The following ALG5 variants were observed in gnomAD, a reference collection of about 807,000 sequenced individuals.
The protein encoded by ALG5 is dolichyl-phosphate beta-glucosyltransferase.
Under a neutral mutation model 51.8 loss-of-function variants are expected in ALG5, and 26 were observed. The observed-to-expected ratio is 0.50, with a 90% CI of 0.37 to 0.70. The LOEUF (loss-of-function observed/expected upper bound fraction) is 0.70. Ranked by LOEUF, ALG5 falls within the 30% of genes least tolerant of loss-of-function variation. The pLI, the probability that ALG5 is intolerant of heterozygous loss-of-function variation, is 0.00. For missense variants in ALG5, 311 were observed against 399.3 expected, an observed-to-expected ratio of 0.78 and a Z score of 1.88; for synonymous variants, 141 against 136.1, an observed-to-expected ratio of 1.04 and a Z score of -0.25.
chr13:36,998,449 C>A (rs536204208), intron 1 of ALG5, among the ~76,000 whole-genome samples: 1 of 152,326 alleles, frequency 6.6e-6, no homozygotes, highest in Admixed American at 6.5e-5. Flanking sequence ...GTCAAGGAAG[C>A]TGAAATCCTC....
intron 8 of ALG5, among the ~76,000 whole-genome samples, chr13:36,964,306 T>C (rs1383386926): frequency 6.6e-6 from 1 of 152,096 alleles, no homozygotes; most frequent in African/African-American, 2.4e-5. Flanking sequence ...AAGAGGTGCA[T>C]ATGATTGATC....
In ALG5 at chr13:36,965,572, T is replaced by G; in HGVS notation, c.773+3A>C. ...ACTGGATACATTCCAGTCAGAAACC[T>G]ACCATCGTTCAACGTGTAGAGATGA... is the stretch of plus-strand genomic sequence containing the variant. On this transcript the variant is annotated splice_donor_region_variant and intron_variant, in intron 8 of 9. Coordinates refer to ENST00000239891, the MANE Select transcript of ALG5 (RefSeq NM_013338.5). 1 of 1,613,080 alleles carries G rather than the reference T, an allele frequency of 6.2e-7. No homozygotes were observed. Among genetic ancestry groups the G allele is most frequent in the Non-Finnish European group, 8.5e-7 (1 of 1,179,540 alleles).
chr13:36,977,845 T>C (rs2058960436), intron 6 of ALG5, among the ~76,000 whole-genome samples: 3 of 144,148 alleles, frequency 2.1e-5, no homozygotes, highest in Non-Finnish European at 4.5e-5. Context: ...AAAGTATATA[T>C]TATCTTCTAG....
At chr13:36,994,934 G>T in intron 3 of ALG5, 55 bp downstream of exon 3, 2 of 1,514,778 alleles carry the variant, frequency 1.3e-6, no homozygotes, top group Admixed American at 3.5e-5. Context: ...TCCACAATTG[G>T]TGACCTGGTC....
At chr13:36,957,910 T>C (rs555435725) in intron 8 of ALG5, among the ~76,000 whole-genome samples, 1 of 152,232 alleles carries the variant, frequency 6.6e-6, no homozygotes, top group Admixed American at 6.5e-5. Context: ...AGATACATCC[T>C]GGGAAGGACT....
At chr13:36,998,035 C>A (rs1208508993) in intron 1 of ALG5, among the ~76,000 whole-genome samples, 1 of 152,076 alleles carries the variant, frequency 6.6e-6, no homozygotes, top group Admixed American at 6.5e-5. Flanking sequence ...CCAAGTGCAA[C>A]ACAACATATA....
Position 36,970,038 on chromosome 13 carries a change from A to C in ALG5, c.621+1939T>G, listed in dbSNP as rs188557656. ...AATAGTTTCTACTACAATTTTATATATATACTATTTTATAATTATACATAT... is the reference window on the plus strand; with the variant it reads ...AATAGTTTCTACTACAATTTTATATCTATACTATTTTATAATTATACATAT... On this transcript the variant is annotated intron_variant, in intron 7 of 9. Transcript: ENST00000239891. Among the ~76,000 whole-genome samples the C allele has an allele frequency of 6.7e-4, 100 of 149,202 alleles. 1 individual carries two copies. In the East Asian group the frequency reaches 0.018, roughly 27 times the overall value.
Position 36,950,009 on chromosome 13 carries a change from A to G in ALG5, c.908T>C (p.Leu303Pro). 6.2e-7 allele frequency: 1 copy of G among 1,613,500 alleles called. No homozygotes were observed. Among genetic ancestry groups the G allele is most frequent in the Non-Finnish European group, 8.5e-7 (1 of 1,179,832 alleles). The change falls in exon 10 of 10, where the codon CTA becomes CCA. Residue 303 changes from leucine to proline, a missense_variant. Leu to Pro is a moderately conservative substitution (Grantham distance 98). Transcript: ENST00000239891. ...FWSWLQMGKD[L>P]LFIRLRYLTG... Reference sequence around the variant, plus strand: ...CAAATATCGAAGTCGTATAAAAAGTAGGTCTTTACCCATTTGTAGCCAGCT... The same window carrying G: ...CAAATATCGAAGTCGTATAAAAAGTGGGTCTTTACCCATTTGTAGCCAGCT...
chr13:36,986,021 T>C (rs1338308750), intron 5 of ALG5, among the ~76,000 whole-genome samples: 5 of 152,204 alleles, frequency 3.3e-5, no homozygotes, highest in African/African-American at 9.6e-5. Flanking sequence ...TTAAAGATAT[T>C]CTGCATCACA....
At chr13:36,974,367 TA>T (rs897311519) in intron 6 of ALG5, among the ~76,000 whole-genome samples, 15 of 152,186 alleles carry the variant, frequency 9.9e-5, no homozygotes, top group Non-Finnish European at 1.9e-4. Flanking sequence ...GTGCTCATTA[TA>T]AAAAATTTGC....
At chr13:36,997,691 C>G (rs915563168) in intron 1 of ALG5, among the ~76,000 whole-genome samples, 1 of 151,964 alleles carries the variant, frequency 6.6e-6, no homozygotes, top group Non-Finnish European at 1.5e-5. Flanking sequence ...TCTGTGACCA[C>G]TTTATTGTGG....
chr13:36,974,441 C>T (rs1035691801), intron 6 of ALG5, among the ~76,000 whole-genome samples: 1 of 152,098 alleles, frequency 6.6e-6, no homozygotes, highest in African/African-American at 2.4e-5. Flanking sequence ...TATCTTACTA[C>T]CTAAAAGCAG....
chr13:36,952,820 A>G (rs2058824317), intron 8 of ALG5: 1 of 309,440 alleles, frequency 3.2e-6, no homozygotes, highest in African/African-American at 2.2e-5. Flanking sequence ...TTGTATCTCT[A>G]TTACAACTCA....
intron 6 of ALG5, among the ~76,000 whole-genome samples, chr13:36,973,886 CA>C (rs1238196410): frequency 6.6e-6 from 1 of 152,096 alleles, no homozygotes. Context: ...AATTTTTTAC[CA>C]TACTGTGCCC....
chr13:36,977,719 G>C (rs1329754971), intron 6 of ALG5, among the ~76,000 whole-genome samples: 2 of 144,238 alleles, frequency 1.4e-5, no homozygotes, highest in Non-Finnish European at 3.0e-5. Flanking sequence ...TTGAACTCGG[G>C]AAGTGTAGGT....
At chr13:36,995,327 T>A in intron 2 of ALG5, 98 bp downstream of exon 2, 1 of 1,259,522 alleles carries the variant, frequency 7.9e-7, no homozygotes, top group Non-Finnish European at 1.1e-6. Context: ...ACAGCCCACA[T>A]CTATTAATGT....
chr13:36,954,222 G>A (rs2138778158), intron 8 of ALG5, among the ~76,000 whole-genome samples: 1 of 151,850 alleles, frequency 6.6e-6, no homozygotes, highest in East Asian at 1.9e-4. Flanking sequence ...TGAACATCTG[G>A]GAGCATAGGC....
At chr13:36,987,728 T>A (rs2059008381) in intron 5 of ALG5, among the ~76,000 whole-genome samples, 1 of 152,170 alleles carries the variant, frequency 6.6e-6, no homozygotes, top group South Asian at 2.1e-4. Flanking sequence ...GCTTAGCATG[T>A]CATTCTTCTC....
intron 7 of ALG5, among the ~76,000 whole-genome samples, chr13:36,969,721 G>C (rs2058912576): frequency 6.6e-6 from 1 of 151,870 alleles, no homozygotes; most frequent in South Asian, 2.1e-4. Context: ...TTTTAGTAGA[G>C]ATGAGGTTTC....
Sources: allele counts gnomAD v4.1 joint callset (sites outside exome capture counted in the v4.1 genomes callset), GRCh38; gene constraint gnomAD v4.1.1; transcripts MANE v1.5; gene names NCBI Gene and HGNC (gene_info 2026-07-23, HGNC 2026-07-21).